The following NKAIN2 variants were observed in gnomAD, a reference collection of about 807,000 sequenced individuals.
The protein encoded by NKAIN2 is sodium/potassium transporting ATPase interacting 2, also known as sodium/potassium-transporting ATPase subunit beta-1-interacting protein 2.
NKAIN2 carries 14 observed loss-of-function variants against 32.6 expected under a neutral mutation model. The observed-to-expected ratio is 0.43, with a 90% CI of 0.28 to 0.67. NKAIN2 has a LOEUF of 0.67. NKAIN2 is among the 30% of genes least tolerant of loss of function. The pLI, the probability that NKAIN2 is intolerant of heterozygous loss-of-function variation, is 0.17. For missense variants in NKAIN2, 198 were observed against 258.3 expected (o/e 0.77, Z 1.60); for synonymous variants, 80 against 87.2 (o/e 0.92, Z 0.46).
chr6:124,414,040 T>G (rs1774348150), intron 3 of NKAIN2, among the ~76,000 whole-genome samples: 1 of 151,890 alleles, frequency 6.6e-6, no homozygotes, highest in African/African-American at 2.4e-5. Flanking sequence ...TTTAATTACA[T>G]TGCACTAATT....
chr6:124,281,531 G>T (rs1795297866), intron 1 of NKAIN2, among the ~76,000 whole-genome samples: 1 of 152,076 alleles, frequency 6.6e-6, no homozygotes, highest in South Asian at 2.1e-4. Context: ...TTCCACTATT[G>T]AGACTCTGAT....
intron 1 of NKAIN2, among the ~76,000 whole-genome samples, chr6:124,132,403 A>T (rs1229412709): frequency 1.3e-5 from 2 of 152,194 alleles, no homozygotes; most frequent in Non-Finnish European, 2.9e-5. Context: ...AAACCAGAAT[A>T]CTTCCCCTGG....
At chr6:124,795,749 G>A (rs931568880) in intron 5 of NKAIN2, among the ~76,000 whole-genome samples, 2 of 152,022 alleles carry the variant, frequency 1.3e-5, no homozygotes, top group African/African-American at 4.8e-5. Flanking sequence ...CCTCACATGT[G>A]GAAAAGAGGC....
chr6:123,947,867 T>G (rs1777143291), intron 1 of NKAIN2, among the ~76,000 whole-genome samples: 1 of 152,118 alleles, frequency 6.6e-6, no homozygotes, highest in Admixed American at 6.6e-5. Flanking sequence ...TCTGTCTAAC[T>G]GTGTATGTGT....
At chr6:123,911,801 G>GTATATATATATATGTATATATATATA (rs200270867) in intron 1 of NKAIN2, among the ~76,000 whole-genome samples, 1 of 58,400 alleles carries the variant, frequency 1.7e-5, no homozygotes, top group Non-Finnish European at 3.2e-5. Flanking sequence ...ATATATATAT[G>GTATATATATATATGTATATATATATA]TATATATATA....
At chr6:124,467,665 C>A (rs563490155) in intron 3 of NKAIN2, among the ~76,000 whole-genome samples, 4 of 152,006 alleles carry the variant, frequency 2.6e-5, no homozygotes, top group Non-Finnish European at 5.9e-5. Context: ...ATTTAGATAG[C>A]CAATCTTATC....
intron 3 of NKAIN2, chr6:124,437,891 T>TTA: frequency 2.4e-6 from 1 of 408,990 alleles, no homozygotes; most frequent in Non-Finnish European, 4.7e-6. Context: ...TTTTTTTTTT[T>TTA]CTTAACCCCA....
intron 1 of NKAIN2, among the ~76,000 whole-genome samples, chr6:123,821,512 G>A (rs999488718): frequency 3.9e-5 from 6 of 152,146 alleles, no homozygotes; most frequent in African/African-American, 7.2e-5. Context: ...TCACAAAGCC[G>A]TGCAGCTGCA....
At chr6:124,580,192 A>G (rs1781471236) in intron 3 of NKAIN2, among the ~76,000 whole-genome samples, 1 of 152,232 alleles carries the variant, frequency 6.6e-6, no homozygotes, top group African/African-American at 2.4e-5. Context: ...CCAAAAACAC[A>G]GAATACTGTA....
intron 4 of NKAIN2, among the ~76,000 whole-genome samples, chr6:124,716,697 C>T (rs1775773966): frequency 6.6e-6 from 1 of 152,182 alleles, no homozygotes. Context: ...TTCCCGCTGA[C>T]TAGAACCCTC....
chr6:124,461,402 C>T (rs558340865), intron 3 of NKAIN2, among the ~76,000 whole-genome samples: 257 of 151,800 alleles, frequency 1.7e-3, no homozygotes, highest in African/African-American at 5.8e-3. Flanking sequence ...TTACTTTTCT[C>T]CTATACACGT....
chr6:124,158,665 G>A (rs1162349850), intron 1 of NKAIN2, among the ~76,000 whole-genome samples: 1 of 152,118 alleles, frequency 6.6e-6, no homozygotes, highest in African/African-American at 2.4e-5. Flanking sequence ...GCAATCCCCA[G>A]CTTGGTACTT....
At chr6:124,223,212 C>CAAAAAAAA (rs369262954) in intron 1 of NKAIN2, among the ~76,000 whole-genome samples, 2 of 68,200 alleles carry the variant, frequency 2.9e-5, no homozygotes, top group Non-Finnish European at 5.3e-5. Flanking sequence ...GACTCCATCT[C>CAAAAAAAA]AAAAAAAAAA....
At chr6:124,630,651 C>G (rs1255990288) in intron 3 of NKAIN2, among the ~76,000 whole-genome samples, 4 of 152,070 alleles carry the variant, frequency 2.6e-5, no homozygotes, top group Non-Finnish European at 5.9e-5. Context: ...ATTACAGGAG[C>G]TCTTTCAAAA....
chr6:123,821,159 G>C (rs763040063), intron 1 of NKAIN2, among the ~76,000 whole-genome samples: 10 of 152,184 alleles, frequency 6.6e-5, no homozygotes, highest in Non-Finnish European at 1.3e-4. Context: ...GTTTGGAAGA[G>C]TATAAAAAAC....
rs138961811 is a variant in NKAIN2 at position 124,011,773 on chromosome 6, C to T, written c.54+207519C>T. Among the ~76,000 whole-genome samples, 354 of 152,250 alleles carry T rather than the reference C, an allele frequency of 2.3e-3. 10 individuals carry two copies. The East Asian group carries it at 0.057, about 24-fold the overall frequency. ...CTTAGGCCTACATCAAATTTTAATT[C>T]AAGAACTGTTGTGCCTTCCTAACTA... On this transcript the variant is annotated intron_variant, in intron 1 of 6. Transcript: ENST00000368417.
chr6:123,972,971 A>G (rs904845506), intron 1 of NKAIN2, among the ~76,000 whole-genome samples: 1 of 152,184 alleles, frequency 6.6e-6, no homozygotes, highest in Non-Finnish European at 1.5e-5. Flanking sequence ...GAAAGTTAAT[A>G]CTATCAAAAT....
chr6:124,021,048 CTT>C (rs1480441220), intron 1 of NKAIN2, among the ~76,000 whole-genome samples: 1 of 152,060 alleles, frequency 6.6e-6, no homozygotes, highest in Non-Finnish European at 1.5e-5. Flanking sequence ...TTACTGAACA[CTT>C]TACTGTAAGT....
chr6:124,777,807 C>T (rs557905113), intron 4 of NKAIN2, among the ~76,000 whole-genome samples: 1 of 152,262 alleles, frequency 6.6e-6, no homozygotes, highest in East Asian at 1.9e-4. Context: ...ATTTCTCTTA[C>T]ATTGTCTAAT....
Sources: gnomAD v4.1 joint callset for allele counts (sites outside exome capture counted in the v4.1 genomes callset) on GRCh38, gnomAD v4.1.1 for gene constraint, MANE v1.5 for transcripts, NCBI Gene and HGNC (gene_info 2026-07-23, HGNC 2026-07-21) for gene names.